The following UBE2V1 variants were observed in gnomAD, a reference collection of about 807,000 sequenced individuals.
The protein encoded by UBE2V1 is ubiquitin-conjugating enzyme E2 variant 1.
A neutral mutation model predicts 19.6 loss-of-function variants in UBE2V1; 15 were observed. That is an observed-to-expected ratio of 0.77 (90% CI 0.51 to 1.18). The LOEUF is 1.18. Ranked by LOEUF, UBE2V1 falls within the 50% of genes most tolerant of loss-of-function variation. The pLI, the probability that UBE2V1 is intolerant of heterozygous loss-of-function variation, is 0.00. For missense variants in UBE2V1, 125 were observed against 184.8 expected, an observed-to-expected ratio of 0.68 and a Z score of 1.88; for synonymous variants, 60 against 60.7, an observed-to-expected ratio of 0.99 and a Z score of 0.05.
intron 2 of UBE2V1, 192 bp downstream of exon 2, chr20:50,096,480 T>C: frequency 6.9e-7 from 1 of 1,455,178 alleles, no homozygotes; most frequent in Non-Finnish European, 9.2e-7. Flanking sequence ...GGTTTTTGCT[T>C]ACCATTTAGA....
chr20:50,084,913 T>TTG (rs2078827933), intron 2 of UBE2V1, among the ~76,000 whole-genome samples: 1 of 147,796 alleles, frequency 6.8e-6, no homozygotes, highest in Non-Finnish European at 1.5e-5. Flanking sequence ...TTTTTTTTTT[T>TTG]GAGACAGAGT....
chr20:50,113,275 T>G (rs2080902305), upstream of UBE2V1: 4 of 544,194 alleles, frequency 7.4e-6, no homozygotes, highest in Non-Finnish European at 1.1e-5. Context: ...CCTGGAAGGC[T>G]CTTTTCCTTC....
upstream of UBE2V1, among the ~76,000 whole-genome samples, chr20:50,113,791 ATTCG>A (rs1434365207): frequency 1.9e-5 from 2 of 106,030 alleles, no homozygotes; most frequent in African/African-American, 5.7e-5. Context: ...TCATTCATTC[ATTCG>A]TTCATTCATT....
Position 50,109,237 on chromosome 20 carries a change from C to A in UBE2V1, c.22+3870G>T, listed in dbSNP as rs971965651. On this transcript the variant is annotated intron_variant, in intron 1 of 3. Transcript: ENST00000371674. ...ACTTTGCCAAATGTGCTGCTCTGAA[C>A]TTCACTGTGCCCCTTCAAAATTAAG... 2.1e-5 allele frequency: 14 copies of A among 661,090 alleles called. No individual in the cohort carries two copies. The African/African-American group carries it at 2.4e-4, about 11-fold the overall frequency. The allele number at this position is 661,090 out of a possible 1,614,324, so 41.0% of individuals were successfully genotyped here. A position where few individuals can be genotyped will look rare whatever the true frequency, so the allele number is the denominator to read the frequency against.
intron 2 of UBE2V1, among the ~76,000 whole-genome samples, chr20:50,089,192 G>C (rs1360654207): frequency 2.0e-5 from 3 of 152,192 alleles, no homozygotes; most frequent in Non-Finnish European, 2.9e-5. Context: ...TTAAGGGAGG[G>C]GGGGATAAGC....
intron 1 of UBE2V1, among the ~76,000 whole-genome samples, chr20:50,109,747 CAAAA>C (rs11468343): frequency 1.3e-4 from 12 of 89,572 alleles, no homozygotes; most frequent in Non-Finnish European, 1.4e-4. Context: ...AACTCCGTCT[CAAAA>C]AAAAAAAAAA....
intron 2 of UBE2V1, among the ~76,000 whole-genome samples, chr20:50,090,875 T>A (rs570712246): frequency 6.6e-6 from 1 of 152,332 alleles, no homozygotes; most frequent in South Asian, 2.1e-4. Flanking sequence ...CATTACACAA[T>A]GTATATCAAA....
upstream of UBE2V1, chr20:50,115,420 G>T: frequency 7.0e-7 from 1 of 1,435,588 alleles, no homozygotes; most frequent in Non-Finnish European, 9.3e-7. Flanking sequence ...ACTTGCCCTG[G>T]ACTTGGGGTC....
intron 1 of UBE2V1, among the ~76,000 whole-genome samples, chr20:50,105,666 A>G (rs1333271867): frequency 6.6e-6 from 1 of 152,232 alleles, no homozygotes; most frequent in Non-Finnish European, 1.5e-5. Flanking sequence ...GGACTCTTAC[A>G]GGCCAGGCGC....
chr20:50,114,626 G>A (rs1423313584), upstream of UBE2V1, among the ~76,000 whole-genome samples: 2 of 152,152 alleles, frequency 1.3e-5, no homozygotes, highest in African/African-American at 4.8e-5. Context: ...GGGCTCTCCA[G>A]GGCAAAGCAG....
intron 1 of UBE2V1, among the ~76,000 whole-genome samples, chr20:50,098,187 A>C (rs995430921): frequency 2.0e-5 from 3 of 152,196 alleles, no homozygotes; most frequent in Non-Finnish European, 2.9e-5. Flanking sequence ...GGCATGATTT[A>C]TGGATAGCTG....
At chr20:50,089,615 C>T (rs1190085869) in intron 2 of UBE2V1, among the ~76,000 whole-genome samples, 3 of 152,152 alleles carry the variant, frequency 2.0e-5, no homozygotes, top group Admixed American at 6.5e-5. Flanking sequence ...TTGGAGTTTC[C>T]TAGCCAGCAG....
At chr20:50,102,056 A>T (rs376195613) in intron 1 of UBE2V1, among the ~76,000 whole-genome samples, 1 of 152,212 alleles carries the variant, frequency 6.6e-6, no homozygotes, top group Non-Finnish European at 1.5e-5. Context: ...CTCCTAGGTA[A>T]TGATCAGCTT....
chr20:50,100,924 G>A (rs2079945339), intron 1 of UBE2V1, among the ~76,000 whole-genome samples: 1 of 152,202 alleles, frequency 6.6e-6, no homozygotes, highest in Non-Finnish European at 1.5e-5. Flanking sequence ...GTGAATTCAA[G>A]TTATAATTTT....
At chr20:50,084,090 C>CA in intron 3 of UBE2V1, 39 bp downstream of exon 3, 6 of 1,538,468 alleles carry the variant, frequency 3.9e-6, no homozygotes, top group Non-Finnish European at 5.2e-6. Context: ...AAGCAACTGT[C>CA]AACTCCAAGG....
upstream of UBE2V1, among the ~76,000 whole-genome samples, chr20:50,114,539 A>T (rs1232973738): frequency 6.6e-6 from 1 of 152,180 alleles, no homozygotes; most frequent in Non-Finnish European, 1.5e-5. Flanking sequence ...GAGCGACCAT[A>T]GAATTATCAC....
At chr20:50,115,490 C>T, upstream of UBE2V1, 1 of 1,580,970 alleles carries the variant, frequency 6.3e-7, no homozygotes, top group Non-Finnish European at 8.6e-7. Context: ...CTCACCTTTG[C>T]AGTGAAATTT....
chr20:50,083,566 T>C (rs1171584419), intron 3 of UBE2V1, among the ~76,000 whole-genome samples: 1 of 152,230 alleles, frequency 6.6e-6, no homozygotes, highest in Admixed American at 6.5e-5. Context: ...CCTTCAACAC[T>C]TGCTGATCTC....
At chr20:50,108,942 A>C in intron 1 of UBE2V1, 1 of 985,386 alleles carries the variant, frequency 1.0e-6, no homozygotes, top group Non-Finnish European at 1.2e-6. Context: ...ACACTCCAAG[A>C]CTTAGGAAGA....
Sources: allele counts gnomAD v4.1 joint callset (sites outside exome capture counted in the v4.1 genomes callset), GRCh38; gene constraint gnomAD v4.1.1; transcripts MANE v1.5; gene names NCBI Gene and HGNC (gene_info 2026-07-23, HGNC 2026-07-21).